Variants in LY6S observed in about 807,000 individuals in gnomAD.
LY6S encodes lymphocyte antigen 6S.
chr8:143,064,547 C>T, the LY6S span, among the ~76,000 whole-genome samples: 2 of 152,272 alleles, frequency 1.3e-5, no homozygotes, highest in South Asian at 4.2e-4. Flanking sequence ...AAGGCTACTC[C>T]AAATATAGTT....
the LY6S span, chr8:143,057,676 G>A: frequency 2.1e-5 from 18 of 868,484 alleles, no homozygotes; most frequent in African/African-American, 1.5e-4. Context: ...AGCCGCTGGC[G>A]GGATGAATCC....
chr8:143,050,902 C>T, the LY6S span, among the ~76,000 whole-genome samples: 3 of 152,246 alleles, frequency 2.0e-5, no homozygotes, highest in Non-Finnish European at 4.4e-5. Context: ...GAGTGAGTCC[C>T]CTGACCAGGG....
the LY6S span, among the ~76,000 whole-genome samples, chr8:143,052,566 C>G: frequency 6.6e-6 from 1 of 152,188 alleles, no homozygotes; most frequent in Non-Finnish European, 1.5e-5. Context: ...TTTGTAGACA[C>G]CTTTACCGGT....
the LY6S span, among the ~76,000 whole-genome samples, chr8:143,047,020 T>C: frequency 2.0e-5 from 3 of 151,746 alleles, no homozygotes; most frequent in Non-Finnish European, 4.4e-5. Context: ...AATAAATGAA[T>C]ACAAATAAAA....
chr8:143,076,175 T>A, the LY6S span, among the ~76,000 whole-genome samples: 1 of 152,224 alleles, frequency 6.6e-6, no homozygotes, highest in African/African-American at 2.4e-5. Context: ...GGCTTACTGA[T>A]GTCACTAAAC....
the LY6S span, among the ~76,000 whole-genome samples, chr8:143,073,269 C>G: frequency 2.4e-5 from 2 of 82,398 alleles, no homozygotes; most frequent in Non-Finnish European, 4.4e-5. Flanking sequence ...TCCTCGGGGT[C>G]CCTGTTCGAG....
chr8:143,062,816 T>C, the LY6S span, among the ~76,000 whole-genome samples: 2 of 152,244 alleles, frequency 1.3e-5, no homozygotes, highest in Non-Finnish European at 2.9e-5. Context: ...GGAATGATGA[T>C]GATGATGATG....
the LY6S span, chr8:143,044,231 G>A: frequency 2.2e-6 from 1 of 456,254 alleles, no homozygotes; most frequent in Non-Finnish European, 4.4e-6. Context: ...CCTGCATGGA[G>A]CTGGTGAGAC....
chr8:143,048,562 G>T, the LY6S span, among the ~76,000 whole-genome samples: 7 of 150,170 alleles, frequency 4.7e-5, no homozygotes, highest in Non-Finnish European at 8.8e-5. Flanking sequence ...TCCACCTCCT[G>T]GTTCAAGCGA....
chr8:143,071,297 T>A, the LY6S span, among the ~76,000 whole-genome samples: 114,657 of 151,868 alleles, frequency 0.75, 43,621 homozygotes, highest in East Asian at 0.93. Flanking sequence ...TCCTGGCAGC[T>A]GTGGTCAGAG....
the LY6S span, among the ~76,000 whole-genome samples, chr8:143,058,559 A>C: frequency 6.6e-6 from 1 of 152,252 alleles, no homozygotes; most frequent in African/African-American, 2.4e-5. Context: ...ATGGAACATG[A>C]AAGCGGACTA....
chr8:143,041,585 G>A, the LY6S span, among the ~76,000 whole-genome samples: 3 of 152,186 alleles, frequency 2.0e-5, no homozygotes, highest in African/African-American at 7.2e-5. Context: ...CGAAGATGAT[G>A]GGATTAAAAG....
the LY6S span, among the ~76,000 whole-genome samples, chr8:143,047,518 G>A: frequency 1.9e-4 from 29 of 152,230 alleles, no homozygotes; most frequent in African/African-American, 6.0e-4. Flanking sequence ...TGCAGCCACC[G>A]TGGCCACTGT....
chr8:143,044,525 G>T, the LY6S span: 4 of 321,644 alleles, frequency 1.2e-5, no homozygotes, highest in Non-Finnish European at 6.1e-6. Context: ...GGTCCTGCCC[G>T]CCATGCCCAC....
At chr8:143,054,278 T>C in the LY6S span, 3 of 110,000 alleles carry the variant, frequency 2.7e-5, no homozygotes, top group East Asian at 6.1e-4. Context: ...CACTCCAGCC[T>C]GGGGGACAGA....
the LY6S span, among the ~76,000 whole-genome samples, chr8:143,051,174 A>G: frequency 6.6e-6 from 1 of 152,228 alleles, no homozygotes; most frequent in African/African-American, 2.4e-5. Context: ...AGGAAAGCTA[A>G]GAGGGAACTC....
the LY6S span, among the ~76,000 whole-genome samples, chr8:143,046,261 G>A: frequency 3.3e-5 from 5 of 152,314 alleles, no homozygotes; most frequent in South Asian, 1.0e-3. Flanking sequence ...GGCCAGGAGT[G>A]AAACCACTTT....
chr8:143,049,098 G>A, the LY6S span: 505 of 516,158 alleles, frequency 9.8e-4, 1 homozygote, highest in African/African-American at 8.5e-3. Flanking sequence ...ACCTCCTAGC[G>A]CCCTGATTTC....
At chr8:143,057,705 G>T in the LY6S span, 4 of 808,434 alleles carry the variant, frequency 4.9e-6, no homozygotes, top group African/African-American at 3.4e-5. Context: ...GTAAGGCGTT[G>T]TTTAATGACC....
Sources: gnomAD v4.1 joint callset for allele counts (sites outside exome capture counted in the v4.1 genomes callset) on GRCh38, gnomAD v4.1.1 for gene constraint, MANE v1.5 for transcripts, NCBI Gene and HGNC (gene_info 2026-07-23, HGNC 2026-07-21) for gene names.